Variants in SYT7 observed in about 807,000 individuals in gnomAD.
SYT7 encodes synaptotagmin-7.
SYT7 carries 29 observed loss-of-function variants against 75.1 expected under a neutral mutation model. The observed-to-expected ratio is 0.39, with a 90% CI of 0.29 to 0.53. The LOEUF (loss-of-function observed/expected upper bound fraction) is 0.53. Among genes scored for constraint, SYT7 ranks in the 20% least tolerant of loss-of-function variants. The pLI is 0.77. For missense variants in SYT7, 693 were observed against 953.2 expected (o/e 0.73, Z 3.59); for synonymous variants, 376 against 401.7 (o/e 0.94, Z 0.76).
chr11:61,557,552 A>C (rs1003578859), intron 1 of SYT7, among the ~76,000 whole-genome samples: 1 of 151,930 alleles, frequency 6.6e-6, no homozygotes, highest in Non-Finnish European at 1.5e-5. Flanking sequence ...TACCTGCTCT[A>C]CTAGAACCCT....
At chr11:61,555,054 C>T (rs1406685702) in intron 2 of SYT7, among the ~76,000 whole-genome samples, 1 of 152,220 alleles carries the variant, frequency 6.6e-6, no homozygotes, top group African/African-American at 2.4e-5. Flanking sequence ...GGTATCTGCC[C>T]CTTTTCTTCC....
At chr11:61,528,407 T>G (rs1039392667) in intron 8 of SYT7, among the ~76,000 whole-genome samples, 1 of 152,062 alleles carries the variant, frequency 6.6e-6, no homozygotes, top group Non-Finnish European at 1.5e-5. Context: ...CTCCTGAACC[T>G]CAGAGTGGTA....
At chr11:61,558,493 C>CACAT (rs2063556537) in intron 1 of SYT7, among the ~76,000 whole-genome samples, 2 of 142,692 alleles carry the variant, frequency 1.4e-5, no homozygotes, top group African/African-American at 5.5e-5. Flanking sequence ...TATACACACA[C>CACAT]ACACACACAC....
At chr11:61,556,371 G>C (rs1441971810) in intron 1 of SYT7, among the ~76,000 whole-genome samples, 164 bp from the exon 2 acceptor site, 1 of 152,194 alleles carries the variant, frequency 6.6e-6, no homozygotes, top group Non-Finnish European at 1.5e-5. Flanking sequence ...ATGAACTTGG[G>C]TAGTTTCCTC....
In SYT7 at chr11:61,513,901, C is replaced by A. The variant is rs1057544; in HGVS notation, c.*4726G>T. On this transcript the variant is annotated 3_prime_UTR_variant, in exon 13 of 13. Transcript: ENST00000539008. ...TGGTCTGGGGAGCCACGAGCTGGGG[C>A]ATCGGCGTGCTCAAGGCTTGTCCTT... 6.6e-6 allele frequency among the ~76,000 whole-genome samples: 1 copy of A among 152,056 alleles called. No individual in the cohort carries two copies. Among genetic ancestry groups the A allele is most frequent in the Non-Finnish European group, 1.5e-5 (1 of 68,022 alleles).
chr11:61,562,266 G>C (rs1164829757), intron 1 of SYT7, among the ~76,000 whole-genome samples: 1 of 152,144 alleles, frequency 6.6e-6, no homozygotes, highest in Non-Finnish European at 1.5e-5. Context: ...CCTTCTTTTA[G>C]AGAATAGTGA....
At chr11:61,534,423 G>A (rs187412588) in intron 7 of SYT7, among the ~76,000 whole-genome samples, 8 of 132,056 alleles carry the variant, frequency 6.1e-5, no homozygotes, top group African/African-American at 2.1e-4. Flanking sequence ...GCACACATGC[G>A]CATACACACA....
At position 61,580,225 on chromosome 11, in the gene SYT7, T is replaced by A. The variant is rs532311416; in HGVS notation, c.31+565A>T. Among the ~76,000 whole-genome samples, 1 of 147,792 alleles carries A rather than the reference T, an allele frequency of 6.8e-6. No homozygotes were observed. The highest frequency in any genetic ancestry group is 2.2e-4 in the South Asian group (1 of 4,548). ...CTCTCTTTCCCTTCAGGCACCCCCG[T>A]CTCACCCATCAACGCCCCTGCAGTT... is the stretch of plus-strand genomic sequence containing the variant. On this transcript the variant is annotated intron_variant, in intron 1 of 12. Coordinates refer to ENST00000539008, the MANE Select transcript of SYT7 (RefSeq NM_001365809.2). The surrounding 1 kb of genome is among the most constrained non-coding windows in gnomAD (Gnocchi z 6.1).
rs1234678650 is a variant in SYT7, at chr11:61,514,026, A to C, written c.*4601T>G. Among the ~76,000 whole-genome samples the C allele has an allele frequency of 6.6e-6, 1 of 152,162 alleles. No individual in the cohort carries two copies. The highest frequency in any genetic ancestry group is 1.5e-5 in the Non-Finnish European group (1 of 68,022). On this transcript the variant is annotated 3_prime_UTR_variant, in exon 13 of 13. Coordinates refer to ENST00000539008, the MANE Select transcript of SYT7 (RefSeq NM_001365809.2). ...CAGGGGGGGACTCACAGGAGAAAGA[A>C]AACACCAGAGGGCGGTGGTCCCAGG... is the stretch of plus-strand genomic sequence containing the variant.
intron 1 of SYT7, among the ~76,000 whole-genome samples, chr11:61,556,553 C>T (rs1424405255): frequency 1.3e-5 from 2 of 152,218 alleles, no homozygotes; most frequent in Non-Finnish European, 2.9e-5. Context: ...AGCCAGACTT[C>T]ACCCGTCCAT....
At chr11:61,552,135 G>A (rs972334465) in intron 2 of SYT7, among the ~76,000 whole-genome samples, 4 of 152,144 alleles carry the variant, frequency 2.6e-5, no homozygotes, top group South Asian at 4.1e-4. Context: ...GGGAGGGAGG[G>A]AGCAGGGCAG....
In SYT7 at chr11:61,542,135, T is replaced by C; in HGVS notation, c.941+76A>G. On this transcript the variant is annotated intron_variant, in intron 6 of 12. Transcript: ENST00000539008. The surrounding 1 kb of genome is among the most constrained non-coding windows in gnomAD (Gnocchi z 7.8). ...GGGCCGGGAGGTACACACAACCAGCTGCTCCCAAGGAGATCTGGGGGGCAG... is the reference window on the plus strand; with the variant it reads ...GGGCCGGGAGGTACACACAACCAGCCGCTCCCAAGGAGATCTGGGGGGCAG... 2 of 1,472,852 alleles carry C rather than the reference T, an allele frequency of 1.4e-6. No homozygotes were observed. The highest frequency in any genetic ancestry group is 1.8e-6 in the Non-Finnish European group (2 of 1,116,774). The allele number at this position is 1,472,852 out of a possible 1,614,324, so 91.2% of individuals were successfully genotyped here.
At chr11:61,568,792 T>C (rs550748160) in intron 1 of SYT7, among the ~76,000 whole-genome samples, 1 of 152,376 alleles carries the variant, frequency 6.6e-6, no homozygotes, top group South Asian at 2.1e-4. Context: ...TGTAGCACTT[T>C]ACAGCCTGCC....
At chr11:61,581,821 T>TA (rs915694023), upstream of SYT7, among the ~76,000 whole-genome samples, 23 of 152,260 alleles carry the variant, frequency 1.5e-4, no homozygotes, top group African/African-American at 5.5e-4. Flanking sequence ...TCCTTGACCC[T>TA]AGCACTTCGG....
intron 1 of SYT7, among the ~76,000 whole-genome samples, chr11:61,574,728 C>T (rs1028841861): frequency 6.6e-6 from 1 of 151,966 alleles, no homozygotes; most frequent in African/African-American, 2.4e-5. Flanking sequence ...CTTGAGGGGG[C>T]CCTCCCGGGC....
At chr11:61,545,884 G>A (rs2063168356) in intron 5 of SYT7, 147 bp downstream of exon 5, 1 of 681,464 alleles carries the variant, frequency 1.5e-6, no homozygotes, top group Non-Finnish European at 2.4e-6. Flanking sequence ...AGGATGATGG[G>A]AGAGTCTCAT....
intron 1 of SYT7, among the ~76,000 whole-genome samples, chr11:61,557,921 G>A (rs1030806976): frequency 1.3e-5 from 2 of 152,184 alleles, no homozygotes; most frequent in African/African-American, 4.8e-5. Flanking sequence ...TAGGAGCAGG[G>A]CACTCCACCA....
At position 61,523,894 on chromosome 11, in the gene SYT7, G is replaced by C. The variant is rs771450685; in HGVS notation, c.1689C>G (p.Ala563=). The change falls in exon 11 of 13, where the codon GCC becomes GCG. Residue 563 remains alanine, a synonymous_variant. Coordinates refer to ENST00000539008, the MANE Select transcript of SYT7 (RefSeq NM_001365809.2). The surrounding 1 kb of genome is among the most constrained non-coding windows in gnomAD (Gnocchi z 5.0). ...LLLSLCYNPS[A]NSIIVNIIKA... ...TGATGATGTTCACGATGATGGAGTT[G>C]GCAGAGGGGTTGTAGCAGAGAGACA... The C allele has an allele frequency of 6.2e-7, 1 of 1,614,064 alleles. No homozygotes were observed. Among genetic ancestry groups the C allele is most frequent in the Non-Finnish European group, 8.5e-7 (1 of 1,179,968 alleles).
chr11:61,543,912 TCTC>T (rs1464279135), intron 5 of SYT7, among the ~76,000 whole-genome samples: 3 of 152,168 alleles, frequency 2.0e-5, no homozygotes, highest in East Asian at 1.9e-4. Flanking sequence ...GTTCCAATCT[TCTC>T]CTCCTCTGTC....
Sources: allele counts gnomAD v4.1 joint callset (sites outside exome capture counted in the v4.1 genomes callset), GRCh38; gene constraint gnomAD v4.1.1; non-coding constraint Gnocchi (gnomAD v3.1); transcripts MANE v1.5; gene names NCBI Gene and HGNC (gene_info 2026-07-23, HGNC 2026-07-21).